ECE2: variants seen among roughly 807,000 people sequenced by gnomAD.
ECE2 encodes endothelin converting enzyme 2.
In ECE2, 81 loss-of-function variants were observed where a neutral mutation model predicts 100.6. That is an observed-to-expected ratio of 0.81 (90% CI 0.67 to 0.97). The LOEUF (loss-of-function observed/expected upper bound fraction) is 0.97. Ranked by LOEUF, ECE2 falls within the 50% of genes least tolerant of loss-of-function variation. The pLI, the probability that ECE2 is intolerant of heterozygous loss-of-function variation, is 0.00. For missense variants in ECE2, 911 were observed against 988.1 expected (o/e 0.92, Z 1.05); for synonymous variants, 391 against 391.5 (o/e 1.00, Z 0.02).
chr3:184,284,104 G>A (rs1485383047), intron 8 of ECE2, 131 bp downstream of exon 8: 1 of 1,113,516 alleles, frequency 9.0e-7, no homozygotes, highest in African/African-American at 1.6e-5. Flanking sequence ...GTGCTCCCCA[G>A]CTGCACTGCT....
chr3:184,289,655 T>C lies in ECE2; in HGVS notation c.1488T>C (p.Tyr496=), dbSNP rs1692684202. Residue 496 remains tyrosine, a synonymous_variant, in exon 13 of 19, where the codon TAT becomes TAC. Coordinates refer to ENST00000404464, the MANE Select transcript of ECE2 (RefSeq NM_001100121.2). The surrounding 1 kb of genome is among the most constrained non-coding windows in gnomAD (Gnocchi z 4.1). The stretch of plus-strand genomic sequence containing the variant: ...GGTCTCTTCAGGCAGATGCCATCTA[T>C]GATATGATTGGTTTCCCAGACTTTA... ...QAAKEKADAI[Y]DMIGFPDFIL... 6.2e-7 allele frequency: 1 copy of C among 1,613,692 alleles called. No homozygotes were observed.
At chr3:184,286,796 TAA>T (rs11449762) in intron 10 of ECE2, among the ~76,000 whole-genome samples, 140 of 121,908 alleles carry the variant, frequency 1.1e-3, no homozygotes, top group African/African-American at 3.9e-3. Context: ...AAACTCTGTT[TAA>T]AAAAAAAAAA....
intron 6 of ECE2, 68 bp from the exon 7 acceptor site, chr3:184,278,424 C>CTA (rs1720668308): frequency 1.9e-6 from 3 of 1,595,836 alleles, no homozygotes; most frequent in East Asian, 4.5e-5. Flanking sequence ...ACCCCTACCC[C>CTA]CGCTCGGGAA....
At chr3:184,276,346 G>C in intron 1 of ECE2, 135 bp from the exon 2 acceptor site, 3 of 1,382,424 alleles carry the variant, frequency 2.2e-6, no homozygotes, top group Non-Finnish European at 3.0e-6. Context: ...CCGGGCCCGA[G>C]AGCAGGGCAG....
In ECE2 at chr3:184,287,846, C is replaced by G. The variant is rs767361411; in HGVS notation, c.1273C>G (p.Pro425Ala). 6.2e-7 allele frequency: 1 copy of G among 1,614,054 alleles called. No homozygotes were observed. Among genetic ancestry groups the G allele is most frequent in the Non-Finnish European group, 8.5e-7 (1 of 1,179,962 alleles). ...CTTTGTCCTTTAACAGTCCTGTGTGCCGAGGTGGCAGACCTGCATCTCCAA... is the reference window on the plus strand; with the variant it reads ...CTTTGTCCTTTAACAGTCCTGTGTGGCGAGGTGGCAGACCTGCATCTCCAA... ...TLYGTKKSCV[P>A]RWQTCISNTD... The change falls in exon 11 of 19, where the codon CCG becomes GCG. Residue 425 changes from proline (P) to alanine (A), a missense_variant. Physicochemically the swap from Pro to Ala is conservative, Grantham distance 27 (BLOSUM62 -1). Transcript: ENST00000404464.
intron 10 of ECE2, among the ~76,000 whole-genome samples, chr3:184,286,040 G>A (rs1305706146): frequency 2.6e-5 from 4 of 152,180 alleles, no homozygotes; most frequent in Non-Finnish European, 5.9e-5. Context: ...TGCTCACACT[G>A]AGTGAAAGAC....
chr3:184,280,121 T>A (rs1172240845), intron 7 of ECE2, among the ~76,000 whole-genome samples: 1 of 152,096 alleles, frequency 6.6e-6, no homozygotes, highest in Admixed American at 6.5e-5. Context: ...ACTTTCATGA[T>A]GGTGGAATGG....
chr3:184,284,589 C>T (rs1469121994), intron 8 of ECE2, among the ~76,000 whole-genome samples: 14 of 151,490 alleles, frequency 9.2e-5, no homozygotes, highest in Non-Finnish European at 2.9e-5. Context: ...CACTGGGGGA[C>T]CCGTACTGTG....
chr3:184,277,875 C>T, intron 4 of ECE2, 50 bp from the exon 5 acceptor site: 7 of 1,600,600 alleles, frequency 4.4e-6, no homozygotes, highest in Non-Finnish European at 5.1e-6. Flanking sequence ...AGGGACTCCC[C>T]CTCAGCAGTT....
intron 7 of ECE2, among the ~76,000 whole-genome samples, chr3:184,281,606 A>G (rs1411969554): frequency 1.3e-5 from 2 of 152,226 alleles, no homozygotes; most frequent in African/African-American, 4.8e-5. Context: ...ATGTGAACAG[A>G]TGTGTGATTT....
Position 184,276,530 on chromosome 3 carries a change from C to T in ECE2, c.89C>T (p.Thr30Ile). 1 of 1,611,582 alleles carries T rather than the reference C, an allele frequency of 6.2e-7. No homozygotes were observed. The highest frequency in any genetic ancestry group is 1.1e-5 in the South Asian group (1 of 90,742). Residue 30 changes from threonine to isoleucine, a missense_variant, in exon 2 of 19, where the codon ACC becomes ATC. Transcript: ENST00000404464. ...ATLRDEDAPE[T>I]PVEGGASPDA... Reference sequence around the variant, plus strand: ...CTTCGGGATGAAGACGCACCCGAGACCCCCGTAGAGGGCGGGGCCTCCCCG... The same window carrying T: ...CTTCGGGATGAAGACGCACCCGAGATCCCCGTAGAGGGCGGGGCCTCCCCG...
intron 10 of ECE2, among the ~76,000 whole-genome samples, chr3:184,286,760 G>A (rs1025497722): frequency 5.5e-5 from 8 of 145,396 alleles, no homozygotes; most frequent in Non-Finnish European, 1.0e-4. Flanking sequence ...CTGCGTCATT[G>A]CACTCCAGCC....
At chr3:184,284,932 G>C in intron 8 of ECE2, 31 bp from the exon 9 acceptor site, 1 of 1,605,962 alleles carries the variant, frequency 6.2e-7, no homozygotes, top group African/African-American at 1.3e-5. Context: ...AGCGAGTCGG[G>C]CAGGCAAGGC....
In ECE2 at chr3:184,289,466, C is replaced by A. The variant is rs200414499; in HGVS notation, c.1404C>A (p.Thr468=). ...IAEGMISEIR[T]AFEEALGQLV... ...AGGGGATGATCAGCGAAATCCGGAC[C>A]GCATTTGAGGAGGCCCTGGGACAGC... The change falls in exon 12 of 19, where the codon ACC becomes ACA. Residue 468 remains threonine (T), a synonymous_variant. Transcript: ENST00000404464. This position sits in a 1 kb window ranked among gnomAD's most constrained non-coding sequence, Gnocchi z 4.1. The A allele has an allele frequency of 3.1e-6, 5 of 1,610,624 alleles. No homozygotes were observed. In the African/African-American group the frequency reaches 6.7e-5, roughly 22 times the overall value.
Position 184,285,511 on chromosome 3 carries a change from GC to G in ECE2, c.1183del (p.Gln395LysfsTer53), listed in dbSNP as rs1217387743. 1.9e-6 allele frequency: 3 copies of G among 1,614,174 alleles called. No homozygotes were observed. The Admixed American group carries it at 5.0e-5, about 27-fold the overall frequency. ...ACAATTACCTGATCTGGAACCTGGTGCAAAAGACAACCTCAAGCCTGGACCG... is the reference window on the plus strand; with the variant it reads ...ACAATTACCTGATCTGGAACCTGGTGAAAAGACAACCTCAAGCCTGGACCG... Reference protein sequence around the residue: ...LNNYLIWNLVQKTTSSLDRRF... With the variant: ...LNNYLIWNLVXKTTSSLDRRF... On this transcript the variant is annotated frameshift_variant, in exon 10 of 19. Coordinates refer to ENST00000404464, the MANE Select transcript of ECE2 (RefSeq NM_001100121.2). LOFTEE classifies it high-confidence loss of function.
rs768792304 is a variant in ECE2, at chr3:184,291,127, A to T, written c.1922A>T (p.Glu641Val). Residue 641 changes from glutamate to valine, a missense_variant, in exon 17 of 19, where the codon GAG (glutamate) becomes GTG (valine). Coordinates refer to ENST00000404464, the MANE Select transcript of ECE2 (RefSeq NM_001100121.2). The surrounding 1 kb of genome is among the most constrained non-coding windows in gnomAD (Gnocchi z 4.1). ...AAFRNHTACMEEQYNQYQVNG... is the reference protein window; with the variant it reads ...AAFRNHTACMVEQYNQYQVNG... ...TTCCGGAACCACACGGCCTGCATGG[A>T]GGAACAGTACAATCAATACCAGGTC... 1 of 1,612,604 alleles carries T rather than the reference A, an allele frequency of 6.2e-7. No homozygotes were observed. The highest frequency in any genetic ancestry group is 1.3e-5 in the African/African-American group (1 of 74,910).
At position 184,277,961 on chromosome 3, in the gene ECE2, A is replaced by G. The variant is rs373555333; in HGVS notation, c.515A>G (p.Gln172Arg). 43 of 1,613,186 alleles carry G rather than the reference A, an allele frequency of 2.7e-5. No individual in the cohort carries two copies. The highest frequency in any genetic ancestry group is 3.3e-5 in the Non-Finnish European group (39 of 1,180,038). Residue 172 changes from glutamine to arginine, a missense_variant, in exon 5 of 19, where the codon CAG becomes CGG. Coordinates refer to ENST00000404464, the MANE Select transcript of ECE2 (RefSeq NM_001100121.2). ...TTFNSSSEAEQKTQRFYLSCL... is the reference protein window; with the variant it reads ...TTFNSSSEAERKTQRFYLSCL... ...TTCAACTCCAGCAGTGAAGCTGAGCAGAAGACACAGCGCTTCTACCTATCT... is the reference window on the plus strand; with the variant it reads ...TTCAACTCCAGCAGTGAAGCTGAGCGGAAGACACAGCGCTTCTACCTATCT...
chr3:184,283,946 C>T lies in ECE2; in HGVS notation c.978C>T (p.Tyr326=), dbSNP rs766807436. ...AGCGGCGCGACGAGGAGAAGATCTA[C>T]CACAAGATGAGCATTTCGGAGCTGC... ...QDQRRDEEKI[Y]HKMSISELQA... is the part of the protein sequence containing the mutation. The change falls in exon 8 of 19, where the codon TAC becomes TAT. Residue 326 remains tyrosine (Y), a synonymous_variant. Transcript: ENST00000404464. The T allele has an allele frequency of 9.3e-6, 15 of 1,613,748 alleles. No homozygotes were observed. Among genetic ancestry groups the T allele is most frequent in the Non-Finnish European group, 8.5e-7 (1 of 1,179,988 alleles).
At position 184,289,689 on chromosome 3, in the gene ECE2, C is replaced by T. The variant is rs1178186409; in HGVS notation, c.1522C>T (p.Pro508Ser). The change falls in exon 13 of 19, where the codon CCC becomes TCC. Residue 508 changes from proline to serine, a missense_variant. By Grantham distance (74) the Pro-to-Ser change is moderately conservative. Transcript: ENST00000404464. The surrounding 1 kb of genome is among the most constrained non-coding windows in gnomAD (Gnocchi z 4.1). Reference protein sequence around the residue: ...MIGFPDFILEPKELDDVYDGY... With the variant: ...MIGFPDFILESKELDDVYDGY... ...TGGTTTCCCAGACTTTATCCTGGAG[C>T]CCAAAGAGCTGGATGATGTTTATGA... is the stretch of plus-strand genomic sequence containing the variant. The T allele has an allele frequency of 2.5e-6, 4 of 1,613,254 alleles. No homozygotes were observed. The highest frequency in any genetic ancestry group is 2.5e-6 in the Non-Finnish European group (3 of 1,179,750).
Sources: gnomAD v4.1 joint callset for allele counts (sites outside exome capture counted in the v4.1 genomes callset) on GRCh38, gnomAD v4.1.1 for gene constraint, Gnocchi (gnomAD v3.1) non-coding constraint, MANE v1.5 for transcripts, NCBI Gene and HGNC (gene_info 2026-07-23, HGNC 2026-07-21) for gene names.